The following PAFAH2 variants were observed in gnomAD, a reference collection of about 807,000 sequenced individuals.
PAFAH2 encodes platelet-activating factor acetylhydrolase 2, cytoplasmic.
A neutral mutation model predicts 49.0 loss-of-function variants in PAFAH2; 42 were observed. The observed-to-expected ratio is 0.86, with a 90% confidence interval of 0.67 to 1.11. PAFAH2 has a LOEUF of 1.11. Among genes scored for constraint, PAFAH2 ranks in the 50% least tolerant of loss-of-function variants. The pLI is 0.00. For missense variants in PAFAH2, 503 were observed against 501.8 expected (o/e 1.00, Z -0.02); for synonymous variants, 184 against 181.3 (o/e 1.01, Z -0.12).
In PAFAH2 at chr1:25,988,252, G is replaced by A; in HGVS notation, c.320C>T (p.Ser107Phe). The A allele has an allele frequency of 6.2e-7, 1 of 1,607,024 alleles. No homozygotes were observed. Among genetic ancestry groups the A allele is most frequent in the Non-Finnish European group, 8.5e-7 (1 of 1,176,750 alleles). Residue 107 changes from serine (S) to phenylalanine (F), a missense_variant, in exon 4 of 11, where the codon TCC (serine) becomes TTC (phenylalanine). By Grantham distance (155) the Ser-to-Phe change is radical. Transcript: ENST00000374282. ...KDSGYPLIIF[S>F]HGLGAFRTLY... ...TTACCTGAAGGCTCCTAGGCCATGGGAGAAGATGATCAAGGGGTATCCAGA... is the reference window on the plus strand; with the variant it reads ...TTACCTGAAGGCTCCTAGGCCATGGAAGAAGATGATCAAGGGGTATCCAGA...
chr1:25,968,453 G>A (rs1271484513), intron 10 of PAFAH2, among the ~76,000 whole-genome samples: 1 of 151,994 alleles, frequency 6.6e-6, no homozygotes, highest in African/African-American at 2.4e-5. Context: ...GGTTCGAGGA[G>A]AAAAAAGGTG....
At chr1:25,990,637 C>G in intron 2 of PAFAH2, 90 bp downstream of exon 2, 2 of 1,064,674 alleles carry the variant, frequency 1.9e-6, no homozygotes, top group Admixed American at 3.9e-5. Flanking sequence ...TTTTCCCCAC[C>G]GTGGGAATAC....
At chr1:25,988,129 C>G in intron 4 of PAFAH2, 102 bp downstream of exon 4, 1 of 719,884 alleles carries the variant, frequency 1.4e-6, no homozygotes, top group Non-Finnish European at 2.3e-6. Flanking sequence ...AGACAGCTAG[C>G]AGATGGAAAT....
chr1:25,984,120 A>G, intron 5 of PAFAH2, 33 bp from the exon 6 acceptor site: 1 of 1,612,566 alleles, frequency 6.2e-7, no homozygotes, highest in Non-Finnish European at 8.5e-7. Flanking sequence ...GAGAAACCAG[A>G]AAACATTCTT....
At chr1:25,963,667 CT>C (rs1184717883) in intron 10 of PAFAH2, among the ~76,000 whole-genome samples, 25 of 152,158 alleles carry the variant, frequency 1.6e-4, no homozygotes, top group Non-Finnish European at 1.5e-5. Flanking sequence ...CCACACCCAG[CT>C]AATTTTGTAT....
intron 1 of PAFAH2, among the ~76,000 whole-genome samples, chr1:25,993,147 G>C (rs1255759422): frequency 1.3e-5 from 2 of 152,166 alleles, no homozygotes; most frequent in Admixed American, 1.3e-4. Context: ...CTAGTTACAT[G>C]AGTCAGTAAG....
chr1:25,970,869 G>A (rs1391035128), intron 10 of PAFAH2, among the ~76,000 whole-genome samples: 3 of 151,788 alleles, frequency 2.0e-5, no homozygotes, highest in African/African-American at 7.3e-5. Flanking sequence ...GATTACAGAT[G>A]TTGAGCTACC....
At chr1:25,971,396 G>A (rs375848130) in intron 10 of PAFAH2, among the ~76,000 whole-genome samples, 5 of 152,234 alleles carry the variant, frequency 3.3e-5, no homozygotes, top group African/African-American at 9.6e-5. Context: ...TGAGCAGTGG[G>A]AGCTGAAGAT....
rs1186785651 is a variant in PAFAH2, at chr1:25,994,168, G to T, written c.-47-3305C>A. 4.0e-5 allele frequency among the ~76,000 whole-genome samples: 6 copies of T among 150,484 alleles called. No individual in the cohort carries two copies. In the South Asian group the frequency reaches 1.1e-3, roughly 27 times the overall value. On this transcript the variant is annotated intron_variant, in intron 1 of 10. Coordinates refer to ENST00000374282, the MANE Select transcript of PAFAH2 (RefSeq NM_000437.4). ...TTTTTTTTTTTTTTTTTGAGACAGG[G>T]TCTTGCTCTGTCTCCCAGGCTGGAG...
intron 8 of PAFAH2, among the ~76,000 whole-genome samples, chr1:25,975,040 C>T (rs1392205590): frequency 6.6e-6 from 1 of 152,086 alleles, no homozygotes; most frequent in East Asian, 1.9e-4. Context: ...AGCTCCCAGT[C>T]CAGCAGGGAA....
At chr1:25,991,058 G>C (rs2049865675) in intron 1 of PAFAH2, 195 bp from the exon 2 acceptor site, 9 of 466,932 alleles carry the variant, frequency 1.9e-5, no homozygotes, top group South Asian at 1.8e-4. Flanking sequence ...ATTTTGCTAG[G>C]GTGAGGAGAT....
chr1:25,984,258 G>A, intron 5 of PAFAH2, 171 bp from the exon 6 acceptor site: 1 of 852,972 alleles, frequency 1.2e-6, no homozygotes, highest in South Asian at 1.7e-5. Context: ...TTTAGAGACA[G>A]ACCTGGGTTT....
intron 7 of PAFAH2, among the ~76,000 whole-genome samples, chr1:25,979,979 C>T (rs780986622): frequency 1.3e-5 from 2 of 152,164 alleles, no homozygotes; most frequent in Non-Finnish European, 2.9e-5. Context: ...CTCCAAGTCT[C>T]GTGGGGGTTG....
At position 25,959,875 on chromosome 1, in the gene PAFAH2, G is replaced by A. The variant is rs1423961258; in HGVS notation, c.*2114C>T. On this transcript the variant is annotated 3_prime_UTR_variant, in exon 11 of 11. Transcript: ENST00000374282. ...ATTTTGAAGGATGGAAACCATATGG[G>A]TCATTTTCTCTGACCACAAAGCAAT... The A allele has an allele frequency of 6.6e-6, 1 of 152,160 alleles. No individual in the cohort carries two copies. Among genetic ancestry groups the A allele is most frequent in the African/African-American group, 2.4e-5 (1 of 41,450 alleles). 9.4% of individuals were successfully genotyped at this position (152,160 alleles called of 1,614,324 possible).
At chr1:25,990,604 A>G in intron 2 of PAFAH2, 123 bp downstream of exon 2, 2 of 769,750 alleles carry the variant, frequency 2.6e-6, no homozygotes, top group Non-Finnish European at 4.3e-6. Flanking sequence ...CTTGATAACC[A>G]AATCCAGACC....
intron 10 of PAFAH2, among the ~76,000 whole-genome samples, chr1:25,966,422 T>C (rs1448265005): frequency 2.6e-5 from 4 of 152,108 alleles, no homozygotes; most frequent in Non-Finnish European, 5.9e-5. Flanking sequence ...AGATATACCA[T>C]GGGATACTAC....
At chr1:25,992,196 G>T (rs1173970185) in intron 1 of PAFAH2, among the ~76,000 whole-genome samples, 4 of 152,182 alleles carry the variant, frequency 2.6e-5, no homozygotes, top group African/African-American at 9.7e-5. Flanking sequence ...CTCCCAAGTA[G>T]CTGGGATTAC....
At chr1:25,973,177 T>G (rs939859094) in intron 9 of PAFAH2, among the ~76,000 whole-genome samples, 1 of 152,226 alleles carries the variant, frequency 6.6e-6, no homozygotes, top group African/African-American at 2.4e-5. Flanking sequence ...GAAAAGGAAT[T>G]ACTTGCCTTT....
chr1:25,996,393 G>A (rs1300012136), intron 1 of PAFAH2, among the ~76,000 whole-genome samples: 1 of 151,688 alleles, frequency 6.6e-6, no homozygotes, highest in Non-Finnish European at 1.5e-5. Context: ...TGGGCCGGGC[G>A]CGGTGGGAGG....
Sources: gnomAD v4.1 joint callset for allele counts (sites outside exome capture counted in the v4.1 genomes callset) on GRCh38, gnomAD v4.1.1 for gene constraint, MANE v1.5 for transcripts, NCBI Gene and HGNC (gene_info 2026-07-23, HGNC 2026-07-21) for gene names.